The following DENND1B variants were observed in gnomAD, a reference collection of about 807,000 sequenced individuals.
DENND1B encodes the protein DENN domain containing 1B, also known as DENN domain-containing protein 1B.
In DENND1B, 59 loss-of-function variants were observed where a neutral mutation model predicts 90.1. That is an observed-to-expected ratio of 0.65 (90% CI 0.53 to 0.81). The LOEUF is 0.81. DENND1B is among the 40% of genes least tolerant of loss of function. The pLI, the probability that DENND1B is intolerant of heterozygous loss-of-function variation, is 0.00. For missense variants in DENND1B, 862 were observed against 912.6 expected, an observed-to-expected ratio of 0.94 and a Z score of 0.71; for synonymous variants, 337 against 324.6, an observed-to-expected ratio of 1.04 and a Z score of -0.41.
rs7530366 is a variant in DENND1B at position 197,667,634 on chromosome 1, C to T, written c.296+4403G>A. Among the ~76,000 whole-genome samples, 1,299 of 151,990 alleles carry T rather than the reference C, an allele frequency of 8.5e-3. 8 individuals are homozygous for T. Among genetic ancestry groups the T allele is most frequent in the African/African-American group, 0.029 (1,199 of 41,486 alleles). On this transcript the variant is annotated intron_variant, in intron 5 of 22. Transcript: ENST00000620048. ...TAGTAGAGACGGGGTTTCTTGACCT[C>T]GTAATCCGCCCGCCTCGGCCTCCCA...
chr1:197,527,172 TA>T (rs762235324), intron 20 of DENND1B, among the ~76,000 whole-genome samples: 1 of 152,162 alleles, frequency 6.6e-6, no homozygotes, highest in African/African-American at 2.4e-5. Flanking sequence ...ATAATTAGTC[TA>T]CATATATCTT....
chr1:197,627,547 C>A (rs1254748779), intron 10 of DENND1B, among the ~76,000 whole-genome samples: 2 of 151,940 alleles, frequency 1.3e-5, no homozygotes, highest in East Asian at 3.9e-4. Flanking sequence ...TAAGAGCTAT[C>A]TATGACAAAC....
intron 2 of DENND1B, among the ~76,000 whole-genome samples, chr1:197,746,341 G>A (rs1265959183): frequency 6.6e-6 from 1 of 152,168 alleles, no homozygotes; most frequent in Non-Finnish European, 1.5e-5. Flanking sequence ...GTTGCAGTGA[G>A]CCAAAATCAT....
intron 10 of DENND1B, among the ~76,000 whole-genome samples, chr1:197,636,870 A>G (rs1244661383): frequency 6.6e-6 from 1 of 152,092 alleles, no homozygotes; most frequent in African/African-American, 2.4e-5. Flanking sequence ...GGGAGGAGTG[A>G]TTCACCAAAT....
At chr1:197,637,852 C>A (rs770702890) in intron 10 of DENND1B, among the ~76,000 whole-genome samples, 25 of 152,288 alleles carry the variant, frequency 1.6e-4, no homozygotes, top group Non-Finnish European at 3.1e-4. Context: ...CAAAAATACA[C>A]TTTAATAACC....
chr1:197,554,870 GAATT>G (rs1671584973), intron 15 of DENND1B, among the ~76,000 whole-genome samples: 1 of 145,194 alleles, frequency 6.9e-6, no homozygotes, highest in South Asian at 2.2e-4. Flanking sequence ...GTGGGGAAGA[GAATT>G]AACAGCAGTA....
intron 15 of DENND1B, among the ~76,000 whole-genome samples, chr1:197,579,899 T>TC (rs1398870800): frequency 6.6e-6 from 1 of 152,128 alleles, no homozygotes; most frequent in East Asian, 1.9e-4. Context: ...TTGAAGTTTT[T>TC]CTTCTCTGAA....
chr1:197,652,177 T>C lies in DENND1B; in HGVS notation c.447+58A>G, dbSNP rs550970947. ...GAATTGCCTGAAGGTACACGTGCTCTTAACGAAATTGAGACATAGCTATGA... is the reference window on the plus strand; with the variant it reads ...GAATTGCCTGAAGGTACACGTGCTCCTAACGAAATTGAGACATAGCTATGA... On this transcript the variant is annotated intron_variant, in intron 7 of 22. Coordinates refer to ENST00000620048, the MANE Select transcript of DENND1B (RefSeq NM_001195215.2). 14 of 1,462,620 alleles carry C rather than the reference T, an allele frequency of 9.6e-6. No homozygotes were observed. In the African/African-American group the frequency reaches 2.0e-4, roughly 21 times the overall value. The allele number at this position is 1,462,620 out of a possible 1,614,324, so 90.6% of individuals were successfully genotyped here.
intron 3 of DENND1B, among the ~76,000 whole-genome samples, chr1:197,680,903 G>A (rs1315391413): frequency 6.6e-6 from 1 of 151,970 alleles, no homozygotes; most frequent in East Asian, 1.9e-4. Context: ...TTTATATGAG[G>A]ATTAAGTGAA....
chr1:197,698,708 A>G (rs1045383797), intron 3 of DENND1B, among the ~76,000 whole-genome samples: 47 of 152,154 alleles, frequency 3.1e-4, no homozygotes, highest in African/African-American at 8.4e-4. Context: ...TACAGACACA[A>G]TGAAAAATGA....
At chr1:197,746,151 G>A (rs1440698327) in intron 2 of DENND1B, among the ~76,000 whole-genome samples, 1 of 152,166 alleles carries the variant, frequency 6.6e-6, no homozygotes, top group Non-Finnish European at 1.5e-5. Flanking sequence ...CAGCACTTTG[G>A]GAGGCCAAGG....
At chr1:197,717,997 T>G (rs1303855628) in intron 2 of DENND1B, among the ~76,000 whole-genome samples, 1 of 152,082 alleles carries the variant, frequency 6.6e-6, no homozygotes, top group African/African-American at 2.4e-5. Context: ...GTATTTTTCT[T>G]GATTACGGGT....
At position 197,509,970 on chromosome 1, in the gene DENND1B, T is replaced by C. The variant is rs1667912289; in HGVS notation, c.*490A>G. ...TGCTCTGCAGAACACTAATAACTTA[T>C]CCTTCAAACTTTATACATACTTTCA... On this transcript the variant is annotated 3_prime_UTR_variant, in exon 23 of 23. Coordinates refer to ENST00000620048, the MANE Select transcript of DENND1B (RefSeq NM_001195215.2). 1 of 152,518 alleles carries C rather than the reference T, an allele frequency of 6.6e-6. No homozygotes were observed. The highest frequency in any genetic ancestry group is 1.9e-4 in the East Asian group (1 of 5,152). The allele number at this position is 152,518 out of a possible 1,614,324, so 9.4% of individuals were successfully genotyped here.
chr1:197,647,991 C>T (rs903570281), intron 7 of DENND1B, among the ~76,000 whole-genome samples: 2 of 149,394 alleles, frequency 1.3e-5, no homozygotes, highest in Non-Finnish European at 3.0e-5. Flanking sequence ...AATAGGTATA[C>T]AAGACTTGAA....
In DENND1B at chr1:197,606,810, T is replaced by C. The variant is rs540663023; in HGVS notation, c.921+263A>G. Reference sequence around the variant, plus strand: ...TTAAGATGAGATGAAGAGACTTAGGTTTAAAGAAACTCTGCCTAATGAATG... The same window carrying C: ...TTAAGATGAGATGAAGAGACTTAGGCTTAAAGAAACTCTGCCTAATGAATG... On this transcript the variant is annotated intron_variant, in intron 13 of 22. Coordinates refer to ENST00000620048, the MANE Select transcript of DENND1B (RefSeq NM_001195215.2). The C allele has an allele frequency of 1.2e-5, 4 of 320,582 alleles. No homozygotes were observed. In the South Asian group the frequency reaches 1.6e-4, roughly 13 times the overall value. The allele number at this position is 320,582 out of a possible 1,614,324, so 19.9% of individuals were successfully genotyped here.
Position 197,562,562 on chromosome 1 carries a change from C to A in DENND1B, c.1150-9450G>T, listed in dbSNP as rs114988806. Among the ~76,000 whole-genome samples, 538 of 151,842 alleles carry A rather than the reference C, an allele frequency of 3.5e-3. 1 individual carries two copies. Among genetic ancestry groups the A allele is most frequent in the African/African-American group, 0.013 (519 of 41,492 alleles). ...ATTGTTTTAGGGTGCCAGGAACCAC[C>A]CCCACATAAGTCAGCAAGCTTAATT... On this transcript the variant is annotated intron_variant, in intron 15 of 22. Transcript: ENST00000620048.
intron 3 of DENND1B, among the ~76,000 whole-genome samples, chr1:197,702,993 T>C (rs2102166342): frequency 6.6e-6 from 1 of 152,204 alleles, no homozygotes; most frequent in South Asian, 2.1e-4. Flanking sequence ...TTTGTTGTTT[T>C]GTTTTTATTT....
At chr1:197,518,501 G>A (rs868078126) in intron 20 of DENND1B, among the ~76,000 whole-genome samples, 53 of 151,998 alleles carry the variant, frequency 3.5e-4, no homozygotes, top group African/African-American at 1.2e-3. Context: ...CAAATTTGGA[G>A]AATCTCAAGA....
intron 2 of DENND1B, 26 bp from the exon 3 acceptor site, chr1:197,715,100 A>G: frequency 6.3e-7 from 1 of 1,594,266 alleles, no homozygotes; most frequent in Non-Finnish European, 8.6e-7. Context: ...ATGTATAATT[A>G]AACAGCAGCA....
Sources: allele counts gnomAD v4.1 joint callset (sites outside exome capture counted in the v4.1 genomes callset), GRCh38; gene constraint gnomAD v4.1.1; transcripts MANE v1.5; gene names NCBI Gene and HGNC (gene_info 2026-07-23, HGNC 2026-07-21).